The following DSCAML1 variants were observed in gnomAD, a reference collection of about 807,000 sequenced individuals.
The protein encoded by DSCAML1 is cell adhesion molecule DSCAML1.
In DSCAML1, 38 loss-of-function variants were observed where a neutral mutation model predicts 200.5. That is an observed-to-expected ratio of 0.19 (90% CI 0.15 to 0.25). The LOEUF is 0.25. Ranked by LOEUF, DSCAML1 falls within the 10% of genes least tolerant of loss-of-function variation. The pLI is 1.00. For missense variants in DSCAML1, 2,223 were observed against 2,858.8 expected (o/e 0.78, Z 5.07); for synonymous variants, 1,215 against 1,165.0 (o/e 1.04, Z -0.87).
rs1592630762 is a variant in DSCAML1, at chr11:117,472,140, G to A, written c.2786-104C>T. 4.5e-6 allele frequency: 6 copies of A among 1,320,050 alleles called. No individual in the cohort carries two copies. The East Asian group carries it at 9.6e-5, about 21-fold the overall frequency. The allele number at this position is 1,320,050 out of a possible 1,614,324, so 81.8% of individuals were successfully genotyped here. ...CCAATATTAAGTTGGATGCCCGAGGGGTCCAGCTCACACAGACTGCAGAGA... is the reference window on the plus strand; with the variant it reads ...CCAATATTAAGTTGGATGCCCGAGGAGTCCAGCTCACACAGACTGCAGAGA... On this transcript the variant is annotated intron_variant, in intron 14 of 32. Transcript: ENST00000651296.
intron 16 of DSCAML1, among the ~76,000 whole-genome samples, chr11:117,467,196 T>TCC (rs1462816898): frequency 8.7e-6 from 1 of 114,494 alleles, no homozygotes; most frequent in Non-Finnish European, 1.7e-5. Flanking sequence ...CACACACACC[T>TCC]CCCCCCTCCC....
chr11:117,661,928 CCAAA>C, intron 3 of DSCAML1, among the ~76,000 whole-genome samples: 1 of 152,306 alleles, frequency 6.6e-6, no homozygotes, highest in East Asian at 1.9e-4. Flanking sequence ...CTGTTGCCCA[CCAAA>C]CAGTTCCTTG....
At chr11:117,816,798 T>TGAGGG (rs2055812285) in intron 1 of DSCAML1, among the ~76,000 whole-genome samples, 1 of 100,374 alleles carries the variant, frequency 1.0e-5, no homozygotes, top group Admixed American at 1.0e-4. Context: ...TCGGAATTGC[T>TGAGGG]GGGGGGGTGG....
At position 117,524,919 on chromosome 11, in the gene DSCAML1, G is replaced by T. The variant is rs144255310; in HGVS notation, c.823C>A (p.Arg275Ser). 53 of 1,613,592 alleles carry T rather than the reference G, an allele frequency of 3.3e-5. 1 individual carries two copies. The South Asian group carries it at 5.4e-4, about 16-fold the overall frequency. The change falls in exon 5 of 33, where the codon CGC (arginine) becomes AGC (serine). Residue 275 changes from arginine to serine, a missense_variant. Physicochemically the swap from Arg to Ser is moderately radical, Grantham distance 110 (BLOSUM62 -1). Transcript: ENST00000651296. ...TCGCTGATGGTCAGCCCTGTGATGCGCTTGGTCCAGCGGCTGTCAGCCGGG... is the reference window on the plus strand; with the variant it reads ...TCGCTGATGGTCAGCCCTGTGATGCTCTTGGTCCAGCGGCTGTCAGCCGGG... The part of the protein sequence containing the change: ...PLPADSRWTK[R>S]ITGLTISDLR...
intron 3 of DSCAML1, chr11:117,612,115 A>G (rs2051707130): frequency 6.6e-6 from 1 of 152,232 alleles, no homozygotes; most frequent in South Asian, 2.1e-4. Context: ...AGTGCTCTGT[A>G]TACAGTAAGT....
intron 3 of DSCAML1, among the ~76,000 whole-genome samples, chr11:117,625,592 G>A (rs1443448753): frequency 6.6e-6 from 1 of 152,218 alleles, no homozygotes; most frequent in Non-Finnish European, 1.5e-5. Flanking sequence ...GTCCAGGGCA[G>A]AGAGGATGCT....
chr11:117,771,523 A>G (rs548164397), intron 3 of DSCAML1, among the ~76,000 whole-genome samples: 1 of 152,324 alleles, frequency 6.6e-6, no homozygotes, highest in African/African-American at 2.4e-5. Flanking sequence ...GGTTGGTGGC[A>G]GATTTCTGTT....
At chr11:117,721,355 C>G (rs1039138846) in intron 3 of DSCAML1, among the ~76,000 whole-genome samples, 21 of 152,144 alleles carry the variant, frequency 1.4e-4, no homozygotes, top group African/African-American at 4.8e-4. Context: ...TAAGTCCAAC[C>G]CTGTTCATAT....
At chr11:117,569,808 C>T (rs949672847) in intron 3 of DSCAML1, among the ~76,000 whole-genome samples, 2 of 152,216 alleles carry the variant, frequency 1.3e-5, no homozygotes, top group African/African-American at 2.4e-5. Context: ...AGGTCTCCTG[C>T]ATGTTCCTCC....
intron 3 of DSCAML1, among the ~76,000 whole-genome samples, chr11:117,737,853 T>C (rs2054347598): frequency 6.6e-6 from 1 of 152,188 alleles, no homozygotes; most frequent in Non-Finnish European, 1.5e-5. Flanking sequence ...TGAGATGGCA[T>C]GGCAGGCTCT....
chr11:117,727,826 C>A (rs138004227), intron 3 of DSCAML1, among the ~76,000 whole-genome samples: 307 of 152,276 alleles, frequency 2.0e-3, no homozygotes, highest in African/African-American at 7.0e-3. Flanking sequence ...GCTTACTACC[C>A]ATGATGATAT....
chr11:117,655,850 C>T (rs2052722654), intron 3 of DSCAML1, among the ~76,000 whole-genome samples: 1 of 152,200 alleles, frequency 6.6e-6, no homozygotes, highest in Non-Finnish European at 1.5e-5. Flanking sequence ...AACTGGCTTG[C>T]CTTTTCCCCA....
intron 31 of DSCAML1, 133 bp from the exon 32 acceptor site, chr11:117,431,166 C>T: frequency 1.1e-6 from 1 of 871,680 alleles, no homozygotes; most frequent in Non-Finnish European, 1.7e-6. Context: ...CTGAGAAGAT[C>T]CCGTGAAGGT....
Position 117,428,475 on chromosome 11 carries a change from G to T in DSCAML1, c.6015C>A (p.Ala2005=). 6.5e-7 allele frequency: 1 copy of T among 1,535,312 alleles called. No homozygotes were observed. Among genetic ancestry groups the T allele is most frequent in the Non-Finnish European group, 8.8e-7 (1 of 1,140,760 alleles). Residue 2005 remains alanine, a synonymous_variant, in exon 33 of 33, where the codon GCC becomes GCA. Transcript: ENST00000651296. Reference sequence around the variant, plus strand: ...CGGCTCGTGGAGGCTCGGTGCTGGGGGCCGGAGGGGCAGCGCTGGGGGCGG... The same window carrying T: ...CGGCTCGTGGAGGCTCGGTGCTGGGTGCCGGAGGGGCAGCGCTGGGGGCGG... ...PPTAPSAAPP[A]PSTEPPRAGG... is the part of the protein sequence containing the mutation.
At position 117,505,578 on chromosome 11, in the gene DSCAML1, C is replaced by T; in HGVS notation, c.1938G>A (p.Glu646=). 6.2e-7 allele frequency: 1 copy of T among 1,613,826 alleles called. No homozygotes were observed. The highest frequency in any genetic ancestry group is 8.5e-7 in the Non-Finnish European group (1 of 1,180,038). The change falls in exon 9 of 33, where the codon GAG becomes GAA. Residue 646 remains glutamate (E), a synonymous_variant. Transcript: ENST00000651296. The surrounding 1 kb of genome is among the most constrained non-coding windows in gnomAD (Gnocchi z 6.7). ...GCAGGGAGCTCATGAATTCCTTGCT[C>T]TCGATGGTCACGCCCGAGCCTGAGA... ...VIISGSGVTI[E]SKEFMSSLQI...
chr11:117,450,081 G>GCTTTCCCCCGT (rs2048256501), intron 20 of DSCAML1, among the ~76,000 whole-genome samples: 1 of 152,228 alleles, frequency 6.6e-6, no homozygotes, highest in Non-Finnish European at 1.5e-5. Context: ...CCTTCTCTCG[G>GCTTTCCCCCGT]CTTTCCCCCG....
At chr11:117,603,340 T>C (rs2051502451) in intron 3 of DSCAML1, among the ~76,000 whole-genome samples, 1 of 152,206 alleles carries the variant, frequency 6.6e-6, no homozygotes, top group Non-Finnish European at 1.5e-5. Context: ...GGGCATGACT[T>C]CCAAGGTAAG....
intron 3 of DSCAML1, among the ~76,000 whole-genome samples, chr11:117,683,347 G>A (rs981439467): frequency 1.3e-5 from 2 of 152,218 alleles, no homozygotes; most frequent in Admixed American, 6.5e-5. Flanking sequence ...AAACTGGACT[G>A]CACGCCTCTA....
chr11:117,475,125 C>T (rs2048764418), intron 14 of DSCAML1, among the ~76,000 whole-genome samples: 1 of 152,110 alleles, frequency 6.6e-6, no homozygotes, highest in Non-Finnish European at 1.5e-5. Flanking sequence ...CACTGTCATC[C>T]CTCCTTAGAC....
Sources: allele counts gnomAD v4.1 joint callset (sites outside exome capture counted in the v4.1 genomes callset), GRCh38; gene constraint gnomAD v4.1.1; non-coding constraint Gnocchi (gnomAD v3.1); transcripts MANE v1.5; gene names NCBI Gene and HGNC (gene_info 2026-07-23, HGNC 2026-07-21).